Variants in MACROD2 observed in about 807,000 individuals in gnomAD.
MACROD2 encodes ADP-ribose glycohydrolase MACROD2.
In MACROD2, 36 loss-of-function variants were observed where a neutral mutation model predicts 70.4. The ratio of observed to expected loss-of-function variants is 0.51; its 90% confidence interval spans 0.39 to 0.68. MACROD2 has a LOEUF of 0.68. MACROD2 is among the 30% of genes least tolerant of loss of function. The pLI is 0.00. For missense variants in MACROD2, 496 were observed against 538.4 expected (o/e 0.92, Z 0.78); for synonymous variants, 172 against 178.8 (o/e 0.96, Z 0.30).
chr20:15,500,677 T>C (rs1568851689), intron 8 of MACROD2, among the ~76,000 whole-genome samples: 2 of 152,338 alleles, frequency 1.3e-5, no homozygotes, highest in East Asian at 1.9e-4. Flanking sequence ...GGAGATGAAT[T>C]ATTTGGAAAT....
chr20:15,294,918 G>A (rs190960829), intron 6 of MACROD2, among the ~76,000 whole-genome samples: 2 of 152,350 alleles, frequency 1.3e-5, no homozygotes, highest in African/African-American at 2.4e-5. Context: ...ATGGTGAGAA[G>A]TTTCTAGACA....
At chr20:14,942,622 G>C (rs555543567) in intron 5 of MACROD2, among the ~76,000 whole-genome samples, 1 of 152,162 alleles carries the variant, frequency 6.6e-6, no homozygotes, top group Admixed American at 6.5e-5. Context: ...GTCAGCATTG[G>C]TGACAGCTTC....
At chr20:14,690,794 T>A (rs761550454) in intron 5 of MACROD2, among the ~76,000 whole-genome samples, 23 of 152,336 alleles carry the variant, frequency 1.5e-4, no homozygotes, top group Admixed American at 7.8e-4. Flanking sequence ...GCTGCTTTCA[T>A]GTGGCAGAGT....
intron 5 of MACROD2, among the ~76,000 whole-genome samples, chr20:14,728,557 C>T (rs2071556956): frequency 6.6e-6 from 1 of 152,114 alleles, no homozygotes; most frequent in African/African-American, 2.4e-5. Context: ...ACTATTTTAC[C>T]ATTATTGTTT....
At chr20:14,397,538 A>G (rs2083593767) in intron 3 of MACROD2, among the ~76,000 whole-genome samples, 1 of 152,172 alleles carries the variant, frequency 6.6e-6, no homozygotes. Context: ...TATTATCTTT[A>G]CATAAATTGT....
At chr20:15,643,775 G>C (rs908403996) in intron 8 of MACROD2, among the ~76,000 whole-genome samples, 4 of 152,156 alleles carry the variant, frequency 2.6e-5, no homozygotes, top group African/African-American at 9.7e-5. Context: ...TAGAACTTAG[G>C]TTTGGCTGCA....
chr20:15,559,395 T>C (rs2048213275), intron 8 of MACROD2, among the ~76,000 whole-genome samples: 1 of 152,124 alleles, frequency 6.6e-6, no homozygotes, highest in South Asian at 2.1e-4. Flanking sequence ...ATCAAACAAA[T>C]GTTAGTTGAG....
At chr20:14,860,030 A>G (rs1219893394) in intron 5 of MACROD2, among the ~76,000 whole-genome samples, 2 of 152,178 alleles carry the variant, frequency 1.3e-5, no homozygotes, top group Non-Finnish European at 2.9e-5. Context: ...CTGTTAAATA[A>G]GTGAACACAT....
intron 3 of MACROD2, among the ~76,000 whole-genome samples, chr20:14,093,401 G>A (rs1245468493): frequency 1.3e-5 from 2 of 151,814 alleles, no homozygotes; most frequent in African/African-American, 4.8e-5. Flanking sequence ...TTTTGATTCT[G>A]GTTTTAAATA....
chr20:15,285,440 C>T (rs988334444), intron 6 of MACROD2, among the ~76,000 whole-genome samples: 2 of 152,160 alleles, frequency 1.3e-5, no homozygotes, highest in African/African-American at 4.8e-5. Flanking sequence ...GCTTTATCAT[C>T]GTGCTAGTTC....
intron 5 of MACROD2, among the ~76,000 whole-genome samples, chr20:14,892,333 G>A (rs1215266811): frequency 6.6e-6 from 1 of 151,984 alleles, no homozygotes; most frequent in Non-Finnish European, 1.5e-5. Flanking sequence ...AAATTAGCCG[G>A]GCTTGGTGGT....
At chr20:15,902,628 C>A (rs535943254) in intron 10 of MACROD2, among the ~76,000 whole-genome samples, 20 of 152,154 alleles carry the variant, frequency 1.3e-4, no homozygotes, top group African/African-American at 4.3e-4. Context: ...TGCGCCCTCT[C>A]GGATCACTTG....
chr20:14,153,753 A>G (rs971509425), intron 3 of MACROD2, among the ~76,000 whole-genome samples: 2 of 152,246 alleles, frequency 1.3e-5, no homozygotes, highest in African/African-American at 4.8e-5. Context: ...GTCCTTGATT[A>G]AAAGACATTC....
chr20:14,468,516 T>TGGG (rs375125884), intron 3 of MACROD2, among the ~76,000 whole-genome samples: 1 of 104,038 alleles, frequency 9.6e-6, no homozygotes, highest in Admixed American at 1.0e-4. Flanking sequence ...TGTCTTTTTT[T>TGGG]GGGGGGGGGC....
At chr20:14,889,958 T>C (rs1600773727) in intron 5 of MACROD2, among the ~76,000 whole-genome samples, 1 of 152,256 alleles carries the variant, frequency 6.6e-6, no homozygotes, top group Non-Finnish European at 1.5e-5. Flanking sequence ...GACAGCTGGT[T>C]GCCTCAGTCA....
chr20:15,934,665 T>C (rs1195641536), intron 11 of MACROD2, among the ~76,000 whole-genome samples: 2 of 151,964 alleles, frequency 1.3e-5, no homozygotes, highest in Non-Finnish European at 2.9e-5. Context: ...TGTCCCAAAC[T>C]GTTTTTTTTG....
chr20:15,377,674 GA>G (rs1453402059), intron 6 of MACROD2, among the ~76,000 whole-genome samples: 2 of 152,192 alleles, frequency 1.3e-5, no homozygotes, highest in Non-Finnish European at 2.9e-5. Flanking sequence ...GAAGCTCTCT[GA>G]TTACTGGTCT....
chr20:15,037,449 A>G (rs2075321846), intron 5 of MACROD2, among the ~76,000 whole-genome samples: 1 of 152,218 alleles, frequency 6.6e-6, no homozygotes. Context: ...ACTTGCCCAG[A>G]GCAGGTACTG....
At chr20:14,528,490 C>T (rs1194426954) in intron 4 of MACROD2, among the ~76,000 whole-genome samples, 1 of 152,044 alleles carries the variant, frequency 6.6e-6, no homozygotes, top group Non-Finnish European at 1.5e-5. Context: ...TACAAAGTTC[C>T]TGATCTCGCC....
Sources: gnomAD v4.1 joint callset for allele counts (sites outside exome capture counted in the v4.1 genomes callset) on GRCh38, gnomAD v4.1.1 for gene constraint, MANE v1.5 for transcripts, NCBI Gene and HGNC (gene_info 2026-07-23, HGNC 2026-07-21) for gene names.